Variants in PRR5L observed in about 807,000 individuals in gnomAD.
PRR5L encodes proline-rich protein 5-like.
A neutral mutation model predicts 36.4 loss-of-function variants in PRR5L; 21 were observed. That is an observed-to-expected ratio of 0.58 (90% confidence interval 0.41 to 0.83). The LOEUF is 0.83. Among genes scored for constraint, PRR5L ranks in the 40% least tolerant of loss-of-function variants. PRR5L has a pLI of 0.00. For synonymous variants in PRR5L, 188 were observed against 197.0 expected (o/e 0.95, Z 0.38); for missense variants, 381 against 473.3 (o/e 0.80, Z 1.81).
intron 2 of PRR5L, among the ~76,000 whole-genome samples, chr11:36,402,188 G>A (rs1052021042): frequency 6.6e-6 from 1 of 152,156 alleles, no homozygotes; most frequent in Admixed American, 6.5e-5. Context: ...GTAATTAAAT[G>A]CATCATTATT....
intron 7 of PRR5L, among the ~76,000 whole-genome samples, chr11:36,448,876 AT>A (rs141922334): frequency 0.06 from 9,154 of 152,214 alleles, 932 homozygotes; most frequent in African/African-American, 0.21. Context: ...GTACTCATTT[AT>A]TAAGAGAGCT....
chr11:36,363,296 A>G (rs1303879854), intron 1 of PRR5L, among the ~76,000 whole-genome samples: 1 of 152,250 alleles, frequency 6.6e-6, no homozygotes, highest in East Asian at 1.9e-4. Flanking sequence ...TACATTCATG[A>G]CACAAGTTAT....
chr11:36,381,156 C>G (rs1330128110), intron 1 of PRR5L, among the ~76,000 whole-genome samples: 1 of 152,184 alleles, frequency 6.6e-6, no homozygotes, highest in Non-Finnish European at 1.5e-5. Flanking sequence ...TCTGGTTTCA[C>G]TTTAGCTGGT....
chr11:36,318,868 G>A (rs1005128954), intron 1 of PRR5L, among the ~76,000 whole-genome samples: 2 of 152,170 alleles, frequency 1.3e-5, no homozygotes, highest in South Asian at 2.1e-4. Context: ...TGTGGCAAAT[G>A]TCAGAGGCTT....
At chr11:36,362,091 G>A (rs1210896179) in intron 1 of PRR5L, 3 of 150,158 alleles carry the variant, frequency 2.0e-5, no homozygotes, top group Admixed American at 2.0e-4. Flanking sequence ...CTGTCAGCAC[G>A]GAAGCAGCAG....
intron 7 of PRR5L, among the ~76,000 whole-genome samples, chr11:36,450,573 C>T (rs1166786367): frequency 6.6e-6 from 1 of 152,210 alleles, no homozygotes; most frequent in Non-Finnish European, 1.5e-5. Flanking sequence ...CATCTTGGCG[C>T]TAAAACTATT....
intron 3 of PRR5L, among the ~76,000 whole-genome samples, chr11:36,412,986 G>A (rs1664401137): frequency 6.6e-6 from 1 of 152,136 alleles, no homozygotes; most frequent in Admixed American, 6.5e-5. Context: ...TTTTAAGTGA[G>A]GAAGCGTCTG....
At chr11:36,420,238 G>A (rs4756315) in intron 4 of PRR5L, among the ~76,000 whole-genome samples, 78,295 of 152,100 alleles carry the variant, frequency 0.51, 20,939 homozygotes, top group Non-Finnish European at 0.58. Flanking sequence ...CCTCATCTGC[G>A]AAATGGGACT....
At chr11:36,353,526 GT>G (rs1273313469) in intron 1 of PRR5L, among the ~76,000 whole-genome samples, 1 of 152,184 alleles carries the variant, frequency 6.6e-6, no homozygotes, top group Non-Finnish European at 1.5e-5. Flanking sequence ...GAATGAACGG[GT>G]TGGATTCTAG....
intron 1 of PRR5L, among the ~76,000 whole-genome samples, chr11:36,356,085 T>C (rs1857024752): frequency 6.6e-6 from 1 of 151,082 alleles, no homozygotes; most frequent in South Asian, 2.1e-4. Context: ...CTAATTTTTG[T>C]ATTTTTTGTA....
chr11:36,453,160 C>G (rs1428037377), intron 8 of PRR5L, among the ~76,000 whole-genome samples: 2 of 152,196 alleles, frequency 1.3e-5, no homozygotes, highest in East Asian at 1.9e-4. Context: ...AGTGGTTAAC[C>G]TTTGCTCTCC....
chr11:36,310,381 A>G (rs1396846522), intron 1 of PRR5L, among the ~76,000 whole-genome samples: 1 of 152,196 alleles, frequency 6.6e-6, no homozygotes, highest in Non-Finnish European at 1.5e-5. Flanking sequence ...TGAGCCCATT[A>G]GAGTCCACCC....
intron 3 of PRR5L, among the ~76,000 whole-genome samples, chr11:36,412,005 A>G (rs1858037717): frequency 6.6e-6 from 1 of 152,146 alleles, no homozygotes; most frequent in African/African-American, 2.4e-5. Context: ...TAGCAATTTG[A>G]TGAGGATTAA....
At chr11:36,388,707 T>C (rs998562701) in intron 1 of PRR5L, among the ~76,000 whole-genome samples, 4 of 142,972 alleles carry the variant, frequency 2.8e-5, no homozygotes, top group African/African-American at 1.0e-4. Context: ...TCTTTTTTTT[T>C]TTTTTTTTTG....
chr11:36,337,038 A>G (rs149449001), intron 1 of PRR5L, among the ~76,000 whole-genome samples: 3,523 of 152,274 alleles, frequency 0.023, 118 homozygotes, highest in African/African-American at 0.079. Flanking sequence ...CCATTATCAT[A>G]TAGATGAAGA....
intron 1 of PRR5L, among the ~76,000 whole-genome samples, chr11:36,375,689 C>T (rs1857247376): frequency 6.6e-6 from 1 of 152,148 alleles, no homozygotes; most frequent in African/African-American, 2.4e-5. Flanking sequence ...ACAACAAGAA[C>T]AACAACAAAA....
chr11:36,360,981 C>T (rs1425304250), intron 1 of PRR5L, among the ~76,000 whole-genome samples: 1 of 152,224 alleles, frequency 6.6e-6, no homozygotes, highest in East Asian at 1.9e-4. Flanking sequence ...GCTCAGAGCT[C>T]AGTTCAATGT....
At chr11:36,325,331 G>A (rs918573465) in intron 1 of PRR5L, among the ~76,000 whole-genome samples, 20 of 152,398 alleles carry the variant, frequency 1.3e-4, no homozygotes, top group Middle Eastern at 3.4e-3. Flanking sequence ...GGATCTGGAG[G>A]GTTGGAAGTC....
At chr11:36,443,051 G>T (rs780654974) in intron 6 of PRR5L, among the ~76,000 whole-genome samples, 2 of 152,096 alleles carry the variant, frequency 1.3e-5, no homozygotes, top group African/African-American at 4.8e-5. Flanking sequence ...TTGTTACAAC[G>T]GAATACCTGA....
Sources: gnomAD v4.1 joint callset for allele counts (sites outside exome capture counted in the v4.1 genomes callset) on GRCh38, gnomAD v4.1.1 for gene constraint, MANE v1.5 for transcripts, NCBI Gene and HGNC (gene_info 2026-07-23, HGNC 2026-07-21) for gene names.